Variants in DPP6 observed in about 807,000 individuals in gnomAD.
The protein encoded by DPP6 is dipeptidyl peptidase like 6.
DPP6 carries 69 observed loss-of-function variants against 122.6 expected under a neutral mutation model. The observed-to-expected ratio is 0.56, with a 90% CI of 0.46 to 0.69. The LOEUF is 0.69. Among genes scored for constraint, DPP6 ranks in the 30% least tolerant of loss-of-function variants. DPP6 has a pLI of 0.00. For synonymous variants in DPP6, 418 were observed against 433.1 expected (o/e 0.97, Z 0.43); for missense variants, 928 against 1,116.9 (o/e 0.83, Z 2.41).
intron 1 of DPP6, among the ~76,000 whole-genome samples, chr7:153,913,127 T>G (rs1800158759): frequency 2.0e-5 from 3 of 152,150 alleles, no homozygotes; most frequent in Admixed American, 2.0e-4. Context: ...CAGACTGGAG[T>G]GCGGTGGCAC....
intron 1 of DPP6, among the ~76,000 whole-genome samples, chr7:153,951,349 C>T (rs557704169): frequency 6.6e-6 from 1 of 152,300 alleles, no homozygotes; most frequent in African/African-American, 2.4e-5. Context: ...TGACCTGCTC[C>T]TGTTTCAGCT....
At chr7:154,123,090 T>G (rs1014658494) in intron 1 of DPP6, among the ~76,000 whole-genome samples, 3 of 152,120 alleles carry the variant, frequency 2.0e-5, no homozygotes, top group Admixed American at 1.3e-4. Context: ...TTGGGGTTAT[T>G]TATAACAGGG....
intron 5 of DPP6, among the ~76,000 whole-genome samples, chr7:154,573,552 G>A (rs930535413): frequency 2.6e-5 from 4 of 152,124 alleles, no homozygotes; most frequent in South Asian, 2.1e-4. Context: ...ATGAATTCCC[G>A]TGTCTCAATC....
intron 5 of DPP6, among the ~76,000 whole-genome samples, chr7:154,617,638 G>A (rs935629161): frequency 6.6e-6 from 1 of 152,198 alleles, no homozygotes; most frequent in African/African-American, 2.4e-5. Flanking sequence ...TTGATGGATG[G>A]ACAAATGTAT....
At chr7:154,383,822 A>T (rs1813842276) in intron 1 of DPP6, among the ~76,000 whole-genome samples, 2 of 148,690 alleles carry the variant, frequency 1.3e-5, no homozygotes, top group Admixed American at 6.8e-5. Flanking sequence ...CCCAGGAGGC[A>T]GAGGTTGCAG....
At chr7:153,894,764 T>C (rs1344791053) in intron 1 of DPP6, among the ~76,000 whole-genome samples, 1 of 152,194 alleles carries the variant, frequency 6.6e-6, no homozygotes, top group African/African-American at 2.4e-5. Context: ...TGCACTCATA[T>C]GTTTAATAGT....
chr7:153,977,290 C>T (rs199769418), intron 1 of DPP6, among the ~76,000 whole-genome samples: 27 of 151,916 alleles, frequency 1.8e-4, no homozygotes, highest in African/African-American at 2.4e-4. Flanking sequence ...CAAGAGATGC[C>T]GCTGGAAGTA....
At chr7:154,533,997 CA>C (rs34678693) in intron 3 of DPP6, among the ~76,000 whole-genome samples, 153 of 143,840 alleles carry the variant, frequency 1.1e-3, no homozygotes, top group Admixed American at 2.0e-3. Context: ...GACCCTGTCT[CA>C]AAAAAAAAAA....
At chr7:153,988,261 G>GT (rs202000632) in intron 1 of DPP6, among the ~76,000 whole-genome samples, 8,043 of 152,198 alleles carry the variant, frequency 0.053, 232 homozygotes, top group South Asian at 0.076. Flanking sequence ...AGGGCTGACA[G>GT]TGCTGGAGTG....
intron 2 of DPP6, among the ~76,000 whole-genome samples, chr7:154,463,297 T>A (rs944154719): frequency 7.4e-6 from 1 of 135,688 alleles, no homozygotes; most frequent in Non-Finnish European, 1.5e-5. Flanking sequence ...AAGCTCCGCC[T>A]CCCGGGTTCA....
intron 1 of DPP6, among the ~76,000 whole-genome samples, chr7:154,061,673 C>G (rs1480595827): frequency 2.1e-5 from 3 of 141,758 alleles, no homozygotes; most frequent in African/African-American, 5.3e-5. Context: ...CTCTTCCCCC[C>G]CTGGCTCTTG....
the DPP6 span, among the ~76,000 whole-genome samples, chr7:153,855,888 C>A: frequency 1.3e-5 from 2 of 152,114 alleles, no homozygotes; most frequent in Admixed American, 1.3e-4. Flanking sequence ...GTGGAAACTG[C>A]ATTTCCCAGT....
chr7:153,827,586 A>G, the DPP6 span, among the ~76,000 whole-genome samples: 1 of 152,162 alleles, frequency 6.6e-6, no homozygotes, highest in East Asian at 1.9e-4. Context: ...GCAAACAAAC[A>G]TGCCCCAAGA....
chr7:153,795,084 C>A, the DPP6 span, among the ~76,000 whole-genome samples: 1 of 152,148 alleles, frequency 6.6e-6, no homozygotes, highest in African/African-American at 2.4e-5. Context: ...GTCAGGTGCC[C>A]TTAAAATTTT....
chr7:154,381,492 T>A (rs1813603798), intron 1 of DPP6, among the ~76,000 whole-genome samples: 1 of 152,204 alleles, frequency 6.6e-6, no homozygotes, highest in South Asian at 2.1e-4. Context: ...GACATATGTG[T>A]GTATGTGTGT....
At chr7:154,811,972 G>A (rs772717046) in intron 16 of DPP6, among the ~76,000 whole-genome samples, 8 of 152,174 alleles carry the variant, frequency 5.3e-5, no homozygotes, top group Non-Finnish European at 1.0e-4. Flanking sequence ...GAGGATAAAT[G>A]TACTGGCAAT....
Position 154,312,057 on chromosome 7 carries a change from G to T in DPP6, c.244-134157G>T, listed in dbSNP as rs537489302. Among the ~76,000 whole-genome samples the T allele has an allele frequency of 1.1e-4, 17 of 152,188 alleles. 1 individual carries two copies. The highest frequency in any genetic ancestry group is 2.1e-4 in the Non-Finnish European group (14 of 68,034). On this transcript the variant is annotated intron_variant, in intron 1 of 25. Coordinates refer to ENST00000377770, the MANE Select transcript of DPP6 (RefSeq NM_130797.4). ...AAAAATATTTAGTCACATCGTTAAG[G>T]AATAATGAAGGTGAGGTCACAGCGG...
At chr7:154,769,764 T>G (rs1450470930) in intron 9 of DPP6, among the ~76,000 whole-genome samples, 193 bp downstream of exon 9, 1 of 152,218 alleles carries the variant, frequency 6.6e-6, no homozygotes, top group Admixed American at 6.5e-5. Context: ...GCAGGTTTAC[T>G]TCTTTTAGGT....
At chr7:154,020,929 C>G (rs1057335805) in intron 1 of DPP6, among the ~76,000 whole-genome samples, 1 of 152,132 alleles carries the variant, frequency 6.6e-6, no homozygotes, top group African/African-American at 2.4e-5. Context: ...TCACTGCCCC[C>G]ATTGTGGAGG....
Sources: allele counts gnomAD v4.1 joint callset (sites outside exome capture counted in the v4.1 genomes callset), GRCh38; gene constraint gnomAD v4.1.1; transcripts MANE v1.5; gene names NCBI Gene and HGNC (gene_info 2026-07-23, HGNC 2026-07-21).